The following CDCP2 variants were observed in gnomAD, a reference collection of about 807,000 sequenced individuals.
The protein encoded by CDCP2 is CUB domain-containing protein 2.
In CDCP2, 31 loss-of-function variants were observed where a neutral mutation model predicts 31.0. The ratio of observed to expected loss-of-function variants is 1.00; its 90% confidence interval spans 0.75 to 1.35. The LOEUF (loss-of-function observed/expected upper bound fraction) is 1.35. Among genes scored for constraint, CDCP2 ranks in the 40% most tolerant of loss-of-function variants. The pLI is 0.00. For missense variants in CDCP2, 443 were observed against 482.6 expected, an observed-to-expected ratio of 0.92 and a Z score of 0.77; for synonymous variants, 206 against 207.9, an observed-to-expected ratio of 0.99 and a Z score of 0.08.
chr1:54,133,629 G>A (rs1390302836), intron 5 of CDCP2, among the ~76,000 whole-genome samples: 2 of 152,176 alleles, frequency 1.3e-5, no homozygotes, highest in African/African-American at 2.4e-5. Context: ...GGGTGCGGTG[G>A]CTCACGCCTG....
At chr1:54,146,198 T>TAC (rs1659466618) in intron 1 of CDCP2, among the ~76,000 whole-genome samples, 4 of 139,986 alleles carry the variant, frequency 2.9e-5, no homozygotes, top group African/African-American at 1.1e-4. Context: ...TTTTTTTTTT[T>TAC]ACGTGGAGTC....
chr1:54,136,755 TGGA>T, exon 5 of CDCP2: 1 of 399,138 alleles, frequency 2.5e-6, no homozygotes, highest in Non-Finnish European at 4.4e-6. Context: ...AGCGCCTGCG[TGGA>T]GATCAGGATC....
intron 1 of CDCP2, among the ~76,000 whole-genome samples, chr1:54,148,018 TA>T (rs951486776): frequency 2.0e-4 from 29 of 147,358 alleles, no homozygotes; most frequent in East Asian, 7.9e-4. Flanking sequence ...TCTCAAAATT[TA>T]AAAAAAAAAA....
intron 2 of CDCP2, chr1:54,142,022 C>G (rs542651248): frequency 6.6e-6 from 1 of 152,564 alleles, no homozygotes; most frequent in African/African-American, 2.4e-5. Context: ...AAAAAGCCCT[C>G]CAGCATAGAA....
chr1:54,142,475 A>C (rs372106203), intron 2 of CDCP2: 3 of 152,252 alleles, frequency 2.0e-5, no homozygotes, highest in East Asian at 1.9e-4. Flanking sequence ...GTCTGAAAAT[A>C]TGCTGCTGGA....
chr1:54,145,341 G>A (rs916149525), intron 1 of CDCP2, among the ~76,000 whole-genome samples: 6 of 152,128 alleles, frequency 3.9e-5, no homozygotes, highest in Non-Finnish European at 5.9e-5. Flanking sequence ...CAGGAGAATC[G>A]CTTGCACCCG....
At chr1:54,140,073 C>T in exon 4 of CDCP2, 4 of 1,613,446 alleles carry the variant, frequency 2.5e-6, no homozygotes, top group Non-Finnish European at 3.4e-6. Context: ...GGAGAAGTTG[C>T]CCCGCATGGC....
intron 5 of CDCP2, among the ~76,000 whole-genome samples, chr1:54,133,626 G>A (rs924823580): frequency 1.3e-5 from 2 of 152,346 alleles, no homozygotes; most frequent in East Asian, 1.9e-4. Context: ...GCCGGGTGCG[G>A]TGGCTCACGC....
chr1:54,134,682 G>T (rs1464351900), intron 5 of CDCP2, among the ~76,000 whole-genome samples: 1 of 152,152 alleles, frequency 6.6e-6, no homozygotes, highest in Non-Finnish European at 1.5e-5. Context: ...GGGAAGGGTT[G>T]AACAGGTGTC....
In CDCP2 at chr1:54,150,996, A is replaced by T. The variant is rs9970602; in HGVS notation, c.79+1848T>A. On this transcript the variant is annotated intron_variant, in intron 1 of 5. Coordinates refer to ENST00000530059, the Ensembl canonical transcript of CDCP2. ...GAGACAAAACACACAGCGTGATTGC[A>T]CTGTGGCCACAAAGGGGCTCTGGGG... 6.5e-3 allele frequency among the ~76,000 whole-genome samples: 990 copies of T among 152,304 alleles called. 9 individuals carry two copies. The highest frequency in any genetic ancestry group is 0.023 in the African/African-American group (945 of 41,568).
At chr1:54,139,842 G>T in exon 4 of CDCP2, 1 of 1,614,044 alleles carries the variant, frequency 6.2e-7, no homozygotes, top group Non-Finnish European at 8.5e-7. Flanking sequence ...TGAGGTCACG[G>T]GTGGTGGCAG....
At chr1:54,133,913 C>CAAAAAAAAAAA (rs1553173250) in intron 5 of CDCP2, among the ~76,000 whole-genome samples, 117 of 144,838 alleles carry the variant, frequency 8.1e-4, no homozygotes, top group African/African-American at 2.2e-3. Flanking sequence ...AACAAACAAA[C>CAAAAAAAAAAA]AAAAAAAACC....
intron 1 of CDCP2, 108 bp from the exon 2 acceptor site, chr1:54,144,921 G>A (rs183599808): frequency 1.1e-4 from 83 of 732,326 alleles, no homozygotes; most frequent in Non-Finnish European, 1.8e-4. Context: ...TGGGATGAGG[G>A]AACACATGGC....
chr1:54,137,360 A>C (rs946767769), intron 4 of CDCP2, among the ~76,000 whole-genome samples: 1 of 152,164 alleles, frequency 6.6e-6, no homozygotes, highest in African/African-American at 2.4e-5. Flanking sequence ...GCAAAGAAGA[A>C]ACAGCGGGAG....
intron 1 of CDCP2, among the ~76,000 whole-genome samples, chr1:54,146,036 A>G (rs1036377162): frequency 6.6e-5 from 10 of 152,202 alleles, no homozygotes; most frequent in African/African-American, 2.4e-4. Context: ...ATGAACCACA[A>G]CAACATCTTA....
chr1:54,145,838 A>C (rs1275512999), intron 1 of CDCP2, among the ~76,000 whole-genome samples: 1 of 152,208 alleles, frequency 6.6e-6, no homozygotes, highest in Non-Finnish European at 1.5e-5. Context: ...GTAAGCATAT[A>C]AAATACTTTA....
intron 3 of CDCP2, 83 bp from the exon 4 acceptor site, chr1:54,140,189 G>T: frequency 2.9e-6 from 4 of 1,362,656 alleles, no homozygotes; most frequent in Non-Finnish European, 4.1e-6. Flanking sequence ...TTAGGCAGCA[G>T]GTGCCACAGT....
At chr1:54,151,697 T>C (rs368539053) in intron 1 of CDCP2, among the ~76,000 whole-genome samples, 19 of 152,284 alleles carry the variant, frequency 1.2e-4, no homozygotes, top group African/African-American at 4.6e-4. Context: ...TGAGCCCCAC[T>C]TGAGCCTTGC....
intron 4 of CDCP2, 133 bp downstream of exon 4, chr1:54,139,620 A>G: frequency 6.2e-7 from 1 of 1,601,336 alleles, no homozygotes; most frequent in Non-Finnish European, 8.5e-7. Context: ...TAGCCAATGG[A>G]GAAGGAGCTG....
Sources: allele counts gnomAD v4.1 joint callset (sites outside exome capture counted in the v4.1 genomes callset), GRCh38; gene constraint gnomAD v4.1.1; transcripts MANE v1.5; gene names NCBI Gene and HGNC (gene_info 2026-07-23, HGNC 2026-07-21).